STARD13: variants seen among roughly 807,000 people sequenced by gnomAD.
STARD13 encodes the protein stAR-related lipid transfer protein 13.
In STARD13, 62 loss-of-function variants were observed where a neutral mutation model predicts 106.4. That is an observed-to-expected ratio of 0.58 (90% CI 0.48 to 0.72). The LOEUF (loss-of-function observed/expected upper bound fraction) is 0.72. Among genes scored for constraint, STARD13 ranks in the 30% least tolerant of loss-of-function variants. The pLI, the probability that STARD13 is intolerant of heterozygous loss-of-function variation, is 0.00. For synonymous variants in STARD13, 565 were observed against 553.0 expected, an observed-to-expected ratio of 1.02 and a Z score of -0.31; for missense variants, 1,387 against 1,424.0, an observed-to-expected ratio of 0.97 and a Z score of 0.42.
the STARD13 span, among the ~76,000 whole-genome samples, chr13:33,671,800 G>A: frequency 1.3e-5 from 2 of 151,820 alleles, no homozygotes; most frequent in Non-Finnish European, 2.9e-5. Flanking sequence ...TGAATGAAAA[G>A]CCTAAAATAA....
the STARD13 span, among the ~76,000 whole-genome samples, chr13:33,449,170 G>T: frequency 1.3e-5 from 2 of 151,620 alleles, no homozygotes; most frequent in Admixed American, 6.6e-5. Flanking sequence ...AAAAAATCCT[G>T]GTGTAGGATA....
intron 1 of STARD13, among the ~76,000 whole-genome samples, chr13:33,178,416 T>C (rs1353489847): frequency 6.6e-6 from 1 of 152,234 alleles, no homozygotes; most frequent in Non-Finnish European, 1.5e-5. Context: ...ACGTGCATCC[T>C]GGTGAACGTA....
At chr13:33,249,910 CT>C (rs1217309799) in intron 1 of STARD13, among the ~76,000 whole-genome samples, 1 of 152,148 alleles carries the variant, frequency 6.6e-6, no homozygotes, top group East Asian at 1.9e-4. Context: ...CCACCTCAGC[CT>C]CCTGGGTAGC....
chr13:33,350,563 C>G, exon 1 of STARD13: 1 of 1,398,582 alleles, frequency 7.2e-7, no homozygotes, highest in Non-Finnish European at 9.3e-7. Flanking sequence ...GTCGGTCCGG[C>G]GCTGGGAGGC....
the STARD13 span, among the ~76,000 whole-genome samples, chr13:33,620,449 AT>A: frequency 6.6e-6 from 1 of 151,906 alleles, no homozygotes; most frequent in African/African-American, 2.4e-5. Flanking sequence ...CACCTGGCTA[AT>A]TTTTGTATTT....
the STARD13 span, among the ~76,000 whole-genome samples, chr13:33,473,365 T>C: frequency 6.6e-6 from 1 of 152,212 alleles, no homozygotes; most frequent in Admixed American, 6.5e-5. Context: ...TTTACAGAGC[T>C]AGTAAGTGTC....
At chr13:33,269,523 G>C (rs146053482) in intron 1 of STARD13, among the ~76,000 whole-genome samples, 12 of 152,256 alleles carry the variant, frequency 7.9e-5, no homozygotes, top group African/African-American at 2.6e-4. Flanking sequence ...CCCACACCAG[G>C]CTCTTCTGCC....
At chr13:33,478,350 G>T in the STARD13 span, among the ~76,000 whole-genome samples, 2 of 152,002 alleles carry the variant, frequency 1.3e-5, no homozygotes, top group Non-Finnish European at 2.9e-5. Context: ...CTCTTTTGTA[G>T]GTGCCAAACC....
intron 8 of STARD13, among the ~76,000 whole-genome samples, chr13:33,116,351 T>C (rs1320033068): frequency 1.3e-5 from 2 of 152,200 alleles, no homozygotes; most frequent in African/African-American, 4.8e-5. Context: ...TTGTAACCTT[T>C]CTATGGAAAT....
chr13:33,257,714 G>A (rs1477670095), intron 1 of STARD13, among the ~76,000 whole-genome samples: 4 of 152,196 alleles, frequency 2.6e-5, no homozygotes, highest in Admixed American at 6.5e-5. Flanking sequence ...TACTCATAAT[G>A]AGAGTCATAA....
At chr13:33,339,709 A>C (rs1202312553) in intron 1 of STARD13, among the ~76,000 whole-genome samples, 3 of 152,330 alleles carry the variant, frequency 2.0e-5, no homozygotes, top group African/African-American at 7.2e-5. Context: ...TGAAATATGC[A>C]AAAGCTTTTT....
At chr13:33,138,446 T>C (rs1485334479) in intron 4 of STARD13, 1 of 143,160 alleles carries the variant, frequency 7.0e-6, no homozygotes, top group Admixed American at 7.4e-5. Flanking sequence ...ATGAGAACAT[T>C]CTTCACTGAA....
At chr13:33,331,152 G>A (rs931091115) in intron 1 of STARD13, among the ~76,000 whole-genome samples, 3 of 152,072 alleles carry the variant, frequency 2.0e-5, no homozygotes, top group African/African-American at 7.2e-5. Flanking sequence ...TCTCTTCACT[G>A]GCTCTTTTTC....
At chr13:33,340,354 G>C (rs1444750311) in intron 1 of STARD13, among the ~76,000 whole-genome samples, 1 of 151,790 alleles carries the variant, frequency 6.6e-6, no homozygotes, top group Non-Finnish European at 1.5e-5. Context: ...GGACAGGCAC[G>C]TGACACCATG....
chr13:33,545,042 G>A, the STARD13 span, among the ~76,000 whole-genome samples: 2 of 152,064 alleles, frequency 1.3e-5, no homozygotes, highest in Non-Finnish European at 2.9e-5. Flanking sequence ...CACAACCTCT[G>A]CTCCCAGGTT....
the STARD13 span, among the ~76,000 whole-genome samples, chr13:33,536,052 C>A: frequency 6.6e-6 from 1 of 152,132 alleles, no homozygotes; most frequent in African/African-American, 2.4e-5. Context: ...TATGGGAAAG[C>A]TACTCTAGAT....
At chr13:33,676,712 T>G in the STARD13 span, 40 of 152,304 alleles carry the variant, frequency 2.6e-4, no homozygotes, top group African/African-American at 9.6e-4. Flanking sequence ...TCTTTAAGTT[T>G]AAAGCAGTAC....
Position 33,127,528 on chromosome 13 carries a change from A to T in STARD13, c.1767T>A (p.Ser589Arg), listed in dbSNP as rs1339324121. The T allele has an allele frequency of 3.2e-6, 5 of 1,554,966 alleles. No individual in the cohort carries two copies. Among genetic ancestry groups the T allele is most frequent in the Non-Finnish European group, 3.5e-6 (4 of 1,158,144 alleles). ...GCCGGGGCTGGTGCGACAGCTGGAA[A>T]CTGTTCCATCGGAGTCGCCTTTACC... ...TRPNRRLRWN[S>R]FQLSHQPRPA... The change falls in exon 6 of 14, where the codon AGT (serine) becomes AGA (arginine). Residue 589 changes from serine (S) to arginine (R), a missense_variant. Coordinates refer to ENST00000336934, the MANE Select transcript of STARD13 (RefSeq NM_178006.4).
At chr13:33,427,568 G>T in the STARD13 span, among the ~76,000 whole-genome samples, 4 of 152,164 alleles carry the variant, frequency 2.6e-5, 1 homozygote, top group Admixed American at 2.6e-4. Context: ...TTTCACGAGG[G>T]TCAAACCAAA....
Sources: allele counts gnomAD v4.1 joint callset (sites outside exome capture counted in the v4.1 genomes callset), GRCh38; gene constraint gnomAD v4.1.1; transcripts MANE v1.5; gene names NCBI Gene and HGNC (gene_info 2026-07-23, HGNC 2026-07-21).